ZHX2: variants seen among roughly 807,000 people sequenced by gnomAD.
ZHX2 encodes the protein zinc fingers and homeoboxes 2.
ZHX2 carries 6 observed loss-of-function variants against 21.9 expected under a neutral mutation model. The observed-to-expected ratio is 0.27, with a 90% CI of 0.15 to 0.54. The LOEUF is 0.54. Ranked by LOEUF, ZHX2 falls within the 20% of genes least tolerant of loss-of-function variation. The pLI, the probability that ZHX2 is intolerant of heterozygous loss-of-function variation, is 0.95. For missense variants in ZHX2, 908 were observed against 1,090.7 expected, an observed-to-expected ratio of 0.83 and a Z score of 2.36; for synonymous variants, 434 against 437.1, an observed-to-expected ratio of 0.99 and a Z score of 0.09.
intron 3 of ZHX2, among the ~76,000 whole-genome samples, chr8:122,968,775 G>T (rs1448627623): frequency 1.3e-5 from 2 of 151,906 alleles, no homozygotes; most frequent in Non-Finnish European, 2.9e-5. Context: ...GGAGGCAGAG[G>T]TTGCAGTGAG....
At chr8:122,921,139 G>A (rs766333792) in intron 2 of ZHX2, among the ~76,000 whole-genome samples, 16 of 152,000 alleles carry the variant, frequency 1.1e-4, no homozygotes, top group South Asian at 2.1e-4. Context: ...GAGTGCGTTG[G>A]CGTGATCTCT....
intron 2 of ZHX2, among the ~76,000 whole-genome samples, chr8:122,947,585 T>C (rs1172860279): frequency 6.6e-6 from 1 of 152,218 alleles, no homozygotes; most frequent in African/African-American, 2.4e-5. Flanking sequence ...CGAAGTATGA[T>C]GTCAGCTGTT....
In ZHX2 at chr8:122,954,832, G is replaced by T. The variant is rs80152390; in HGVS notation, c.*4+804G>T. ...TTGTTGCTGTAAAAACACCAAACAT[G>T]AAGAGGTTGTTTCTTTTTTTTTTTC... is the stretch of plus-strand genomic sequence containing the variant. On this transcript the variant is annotated intron_variant, in intron 3 of 3. Coordinates refer to ENST00000314393, the MANE Select transcript of ZHX2 (RefSeq NM_014943.5). 8.0e-3 allele frequency among the ~76,000 whole-genome samples: 1,206 copies of T among 151,662 alleles called. 15 individuals are homozygous for T. Among genetic ancestry groups the T allele is most frequent in the African/African-American group, 0.028 (1,158 of 41,330 alleles).
chr8:122,962,941 A>C (rs962984086), intron 3 of ZHX2, among the ~76,000 whole-genome samples: 1 of 151,084 alleles, frequency 6.6e-6, no homozygotes, highest in African/African-American at 2.4e-5. Context: ...AGAATTGTCT[A>C]TTCATGTCTT....
At chr8:122,930,708 T>C (rs1054528824) in intron 2 of ZHX2, among the ~76,000 whole-genome samples, 2 of 151,952 alleles carry the variant, frequency 1.3e-5, no homozygotes, top group Non-Finnish European at 1.5e-5. Flanking sequence ...CAGGTTGGCC[T>C]CGAACTCCTG....
At chr8:122,788,962 T>A (rs544510282) in intron 1 of ZHX2, among the ~76,000 whole-genome samples, 2 of 152,312 alleles carry the variant, frequency 1.3e-5, no homozygotes, top group Non-Finnish European at 2.9e-5. Flanking sequence ...AAAGCCTCTA[T>A]CAGTGTCTCC....
chr8:122,804,297 TG>T (rs1339570985), intron 1 of ZHX2, among the ~76,000 whole-genome samples: 2 of 152,072 alleles, frequency 1.3e-5, no homozygotes, highest in African/African-American at 4.8e-5. Flanking sequence ...TTAGTAGAAA[TG>T]GGGTTTCACC....
intron 3 of ZHX2, among the ~76,000 whole-genome samples, chr8:122,969,866 A>G (rs1008599385): frequency 5.9e-5 from 9 of 152,210 alleles, no homozygotes; most frequent in African/African-American, 1.9e-4. Context: ...AGAGACAGAA[A>G]CAGAAAGCTG....
rs747936103 is a variant in ZHX2 at position 122,952,794 on chromosome 8, G to A, written c.1284G>A (p.Glu428=). The part of the protein sequence containing the change: ...PKRPHIAQVP[E]PPPKVANPPL... ...GTCCACACATCGCTCAGGTGCCAGA[G>A]CCCCCACCCAAGGTGGCCAACCCCC... Residue 428 remains glutamate, a synonymous_variant, in exon 3 of 4, where the codon GAG becomes GAA. Coordinates refer to ENST00000314393, the MANE Select transcript of ZHX2 (RefSeq NM_014943.5). This position sits in a 1 kb window ranked among gnomAD's most constrained non-coding sequence, Gnocchi z 6.9. The A allele has an allele frequency of 5.8e-5, 94 of 1,613,888 alleles. No homozygotes were observed. The highest frequency in any genetic ancestry group is 7.8e-5 in the Non-Finnish European group (92 of 1,180,022).
chr8:122,799,482 A>C (rs1354957202), intron 1 of ZHX2, among the ~76,000 whole-genome samples: 4 of 152,208 alleles, frequency 2.6e-5, no homozygotes, highest in African/African-American at 9.7e-5. Flanking sequence ...GTGAAATGAA[A>C]ATGGGGGAGA....
At chr8:122,956,503 C>T (rs1423857059) in intron 3 of ZHX2, among the ~76,000 whole-genome samples, 3 of 152,056 alleles carry the variant, frequency 2.0e-5, no homozygotes, top group Non-Finnish European at 4.4e-5. Flanking sequence ...ACATCTGACT[C>T]AGGGGATGAG....
intron 3 of ZHX2, among the ~76,000 whole-genome samples, chr8:122,955,891 C>T (rs997189572): frequency 6.4e-5 from 9 of 139,850 alleles, no homozygotes; most frequent in African/African-American, 2.5e-4. Context: ...GTTGCCCAGG[C>T]TGGAATGCAA....
At chr8:122,965,759 C>T (rs1037224436) in intron 3 of ZHX2, among the ~76,000 whole-genome samples, 7 of 152,082 alleles carry the variant, frequency 4.6e-5, no homozygotes, top group African/African-American at 1.7e-4. Context: ...TTGAAGTCCC[C>T]ACTATTATTG....
intron 2 of ZHX2, among the ~76,000 whole-genome samples, chr8:122,906,225 G>C (rs762930612): frequency 3.9e-5 from 6 of 152,122 alleles, no homozygotes; most frequent in Non-Finnish European, 8.8e-5. Flanking sequence ...TTGAATTGAG[G>C]CTGTCAATTA....
intron 1 of ZHX2, among the ~76,000 whole-genome samples, chr8:122,808,385 G>A (rs1269094302): frequency 6.6e-6 from 1 of 152,106 alleles, no homozygotes; most frequent in Non-Finnish European, 1.5e-5. Context: ...GGGTGGAAGG[G>A]GAAGCAAACA....
chr8:122,889,745 A>C (rs1044172143), intron 2 of ZHX2, among the ~76,000 whole-genome samples: 9 of 152,326 alleles, frequency 5.9e-5, no homozygotes, highest in African/African-American at 2.2e-4. Context: ...CAGTATTCAC[A>C]GGATGCAAAA....
intron 1 of ZHX2, among the ~76,000 whole-genome samples, chr8:122,851,136 C>T (rs1003923944): frequency 3.9e-5 from 6 of 152,090 alleles, no homozygotes; most frequent in African/African-American, 1.4e-4. Flanking sequence ...GGGTGCGAGA[C>T]GGGGGTCCTG....
intron 3 of ZHX2, among the ~76,000 whole-genome samples, chr8:122,972,900 C>G (rs544412460): frequency 6.6e-6 from 1 of 152,186 alleles, no homozygotes; most frequent in Non-Finnish European, 1.5e-5. Flanking sequence ...TTAGGAGCCA[C>G]TGGGACTGGT....
chr8:122,851,983 C>T (rs1013234320), intron 1 of ZHX2, among the ~76,000 whole-genome samples: 4 of 152,206 alleles, frequency 2.6e-5, no homozygotes, highest in South Asian at 2.1e-4. Context: ...CAGATCCCTC[C>T]GAATTGATTT....
Sources: allele counts gnomAD v4.1 joint callset (sites outside exome capture counted in the v4.1 genomes callset), GRCh38; gene constraint gnomAD v4.1.1; non-coding constraint Gnocchi (gnomAD v3.1); transcripts MANE v1.5; gene names NCBI Gene and HGNC (gene_info 2026-07-23, HGNC 2026-07-21).